The following HIPK2 variants were observed in gnomAD, a reference collection of about 807,000 sequenced individuals.
The protein encoded by HIPK2 is homeodomain interacting protein kinase 2.
A neutral mutation model predicts 113.7 loss-of-function variants in HIPK2; 27 were observed. The observed-to-expected ratio is 0.24, with a 90% CI of 0.17 to 0.33. The LOEUF is 0.33. HIPK2 is among the 10% of genes least tolerant of loss of function. HIPK2 has a pLI of 1.00. For missense variants in HIPK2, 1,257 were observed against 1,588.0 expected, an observed-to-expected ratio of 0.79 and a Z score of 3.54; for synonymous variants, 631 against 642.2, an observed-to-expected ratio of 0.98 and a Z score of 0.26.
Position 139,572,892 on chromosome 7 carries a change from TCTCC to T in HIPK2, c.*31_*34del, listed in dbSNP as rs754430570. The T allele has an allele frequency of 5.5e-4, 361 of 653,008 alleles. No individual in the cohort carries two copies. The highest frequency in any genetic ancestry group is 8.7e-4 in the Middle Eastern group (3 of 3,444). 40.5% of individuals were successfully genotyped at this position (653,008 alleles called of 1,614,324 possible). On this transcript the variant is annotated 3_prime_UTR_variant, in exon 15 of 15. Transcript: ENST00000406875. ...CTCTCCCTCCTCCCTCGGGCCATTC[TCTCC>T]CTCCCTCCCTCCCTCCCTCCCCTCC...
rs926924059 is a variant in HIPK2 at position 139,699,344 on chromosome 7, C to A, written c.1103+16588G>T. Among the ~76,000 whole-genome samples the A allele has an allele frequency of 4.2e-3, 638 of 152,132 alleles. 2 individuals are homozygous for A. Among genetic ancestry groups the A allele is most frequent in the African/African-American group, 0.014 (600 of 41,488 alleles). ...CTCAGCAATCCTCACGCTGTGCAGGCGAAATGGAAAGTATTTAAGTGTGGT... is the reference window on the plus strand; with the variant it reads ...CTCAGCAATCCTCACGCTGTGCAGGAGAAATGGAAAGTATTTAAGTGTGGT... On this transcript the variant is annotated intron_variant, in intron 2 of 14. Transcript: ENST00000406875.
chr7:139,747,742 C>G (rs1049315668), intron 1 of HIPK2, among the ~76,000 whole-genome samples: 4 of 152,242 alleles, frequency 2.6e-5, no homozygotes, highest in African/African-American at 9.6e-5. Context: ...GATATCCAGG[C>G]ACCCCCGGTT....
At chr7:139,611,096 C>T (rs1049274580) in intron 9 of HIPK2, among the ~76,000 whole-genome samples, 1 of 152,222 alleles carries the variant, frequency 6.6e-6, no homozygotes, top group African/African-American at 2.4e-5. Context: ...TTACTTGTTA[C>T]AAGTAATACA....
chr7:139,770,629 C>CG (rs1569486378), intron 1 of HIPK2, among the ~76,000 whole-genome samples: 2 of 152,186 alleles, frequency 1.3e-5, no homozygotes, highest in African/African-American at 4.8e-5. Context: ...TCTCTCACTG[C>CG]GGATGGACAG....
intron 13 of HIPK2, among the ~76,000 whole-genome samples, chr7:139,580,413 C>T (rs1798630241): frequency 6.6e-6 from 1 of 152,168 alleles, no homozygotes; most frequent in South Asian, 2.1e-4. Flanking sequence ...GGGAGGACGT[C>T]CTGAAGGGGA....
intron 2 of HIPK2, among the ~76,000 whole-genome samples, chr7:139,672,224 A>G (rs1802328306): frequency 6.6e-6 from 1 of 152,212 alleles, no homozygotes; most frequent in Non-Finnish European, 1.5e-5. Context: ...TCTACCTCAT[A>G]ACACTTGAAG....
intron 2 of HIPK2, among the ~76,000 whole-genome samples, chr7:139,692,539 T>C (rs1019986423): frequency 2.0e-5 from 3 of 152,144 alleles, no homozygotes; most frequent in African/African-American, 7.2e-5. Context: ...CTCCCTGACA[T>C]GAAGTAGGTT....
At chr7:139,651,700 GTTTTC>G (rs1475449050) in intron 2 of HIPK2, among the ~76,000 whole-genome samples, 2 of 152,154 alleles carry the variant, frequency 1.3e-5, no homozygotes, top group Non-Finnish European at 2.9e-5. Context: ...TACACAATTT[GTTTTC>G]TTTTATTAAA....
At chr7:139,757,793 G>A (rs1796386779) in intron 1 of HIPK2, among the ~76,000 whole-genome samples, 1 of 152,116 alleles carries the variant, frequency 6.6e-6, no homozygotes, top group Non-Finnish European at 1.5e-5. Context: ...TGCACAATTT[G>A]TGAATATCCT....
chr7:139,757,283 G>C (rs572134359), intron 1 of HIPK2, among the ~76,000 whole-genome samples: 1 of 152,142 alleles, frequency 6.6e-6, no homozygotes, highest in Non-Finnish European at 1.5e-5. Flanking sequence ...CCTAGGAAAA[G>C]ATAAAAATTA....
chr7:139,645,253 C>T (rs892314618), intron 2 of HIPK2, among the ~76,000 whole-genome samples: 9 of 152,326 alleles, frequency 5.9e-5, no homozygotes, highest in African/African-American at 1.4e-4. Flanking sequence ...AGCTAAGTCA[C>T]AGTCAGTCTT....
chr7:139,733,247 A>C (rs891748371), intron 1 of HIPK2, among the ~76,000 whole-genome samples: 1 of 152,162 alleles, frequency 6.6e-6, no homozygotes, highest in Non-Finnish European at 1.5e-5. Context: ...ACCCAGACTC[A>C]GGTATTTCTT....
At chr7:139,753,482 T>C (rs1211347962) in intron 1 of HIPK2, among the ~76,000 whole-genome samples, 1 of 152,190 alleles carries the variant, frequency 6.6e-6, no homozygotes, top group Non-Finnish European at 1.5e-5. Context: ...GGGGAAATCT[T>C]CATGGAGAAA....
At chr7:139,579,297 G>A (rs928063166) in intron 13 of HIPK2, among the ~76,000 whole-genome samples, 10 of 152,206 alleles carry the variant, frequency 6.6e-5, no homozygotes, top group South Asian at 4.1e-4. Context: ...TACACCTCAC[G>A]TTCAGAAGCA....
At chr7:139,649,329 G>A (rs1801370559) in intron 2 of HIPK2, among the ~76,000 whole-genome samples, 1 of 152,128 alleles carries the variant, frequency 6.6e-6, no homozygotes, top group Admixed American at 6.5e-5. Context: ...CCAGAGCCCC[G>A]GTGCACACCC....
At chr7:139,767,061 C>CCAGGTCCCTGACTCTCT (rs1796565151) in intron 1 of HIPK2, among the ~76,000 whole-genome samples, 1 of 152,210 alleles carries the variant, frequency 6.6e-6, no homozygotes, top group African/African-American at 2.4e-5. Flanking sequence ...AATGCTAAGG[C>CCAGGTCCCTGACTCTCT]CAGGTCCCTG....
intron 1 of HIPK2, chr7:139,722,083 T>C: frequency 2.2e-6 from 1 of 451,780 alleles, no homozygotes. Context: ...GGTTCTTACA[T>C]GCTTGTTAAT....
At chr7:139,707,545 A>G (rs994470564) in intron 2 of HIPK2, among the ~76,000 whole-genome samples, 3 of 152,216 alleles carry the variant, frequency 2.0e-5, no homozygotes, top group African/African-American at 7.2e-5. Flanking sequence ...CTGCCTTTTC[A>G]GTTTAATGAG....
At chr7:139,626,578 G>C in intron 6 of HIPK2, 23 bp downstream of exon 6, 1 of 1,605,340 alleles carries the variant, frequency 6.2e-7, no homozygotes, top group Non-Finnish European at 8.5e-7. Flanking sequence ...TCCCTGGTAC[G>C]AAGCATCAGG....
Sources: allele counts gnomAD v4.1 joint callset (sites outside exome capture counted in the v4.1 genomes callset), GRCh38; gene constraint gnomAD v4.1.1; transcripts MANE v1.5; gene names NCBI Gene and HGNC (gene_info 2026-07-23, HGNC 2026-07-21).